The following PPP6R2 variants were observed in gnomAD, a reference collection of about 807,000 sequenced individuals.
The protein encoded by PPP6R2 is serine/threonine-protein phosphatase 6 regulatory subunit 2.
PPP6R2 carries 62 observed loss-of-function variants against 100.2 expected under a neutral mutation model. That is an observed-to-expected ratio of 0.62 (90% CI 0.50 to 0.76). PPP6R2 has a LOEUF of 0.76. Among genes scored for constraint, PPP6R2 ranks in the 30% least tolerant of loss-of-function variants. The pLI, the probability that PPP6R2 is intolerant of heterozygous loss-of-function variation, is 0.00. For missense variants in PPP6R2, 1,142 were observed against 1,276.3 expected, an observed-to-expected ratio of 0.89 and a Z score of 1.60; for synonymous variants, 525 against 514.7, an observed-to-expected ratio of 1.02 and a Z score of -0.27.
upstream of PPP6R2, among the ~76,000 whole-genome samples, chr22:50,341,056 G>A (rs2042364637): frequency 6.6e-6 from 1 of 151,966 alleles, no homozygotes. Flanking sequence ...GACTGCAGGC[G>A]CCCGCCACCG....
intron 3 of PPP6R2, among the ~76,000 whole-genome samples, chr22:50,400,008 G>A (rs368680033): frequency 6.6e-6 from 1 of 152,220 alleles, no homozygotes; most frequent in East Asian, 1.9e-4. Context: ...CCAAGCTGTC[G>A]CTTTCATTAC....
At chr22:50,405,889 G>A (rs111538057) in intron 3 of PPP6R2, among the ~76,000 whole-genome samples, 167 of 135,858 alleles carry the variant, frequency 1.2e-3, no homozygotes, top group South Asian at 1.5e-3. Flanking sequence ...CCTGGAGAGA[G>A]GTGAGAGGCC....
At chr22:50,443,688 AGCAGAG>A (rs1377738815) in intron 22 of PPP6R2, 172 bp from the exon 23 acceptor site, 5 of 732,144 alleles carry the variant, frequency 6.8e-6, no homozygotes, top group Non-Finnish European at 1.1e-5. Context: ...AACTTGGGGC[AGCAGAG>A]CTGCCTAGCT....
In PPP6R2 at chr22:50,437,494, C is replaced by T. The variant is rs1308312123; in HGVS notation, c.1684-12C>T. 9.0e-7 allele frequency: 1 copy of T among 1,106,464 alleles called. No individual in the cohort carries two copies. The highest frequency in any genetic ancestry group is 1.4e-6 in the Non-Finnish European group (1 of 720,740). 68.5% of individuals were successfully genotyped at this position (1,106,464 alleles called of 1,614,324 possible). On this transcript the variant is annotated splice_polypyrimidine_tract_variant and intron_variant, in intron 15 of 23. Transcript: ENST00000612753. ...GTGTCTGTCCGTCCCTCCCTCCCTCCCTCCCTCCCAGGCCTTCTCTGACTA... is the reference window on the plus strand; with the variant it reads ...GTGTCTGTCCGTCCCTCCCTCCCTCTCTCCCTCCCAGGCCTTCTCTGACTA...
chr22:50,339,806 G>T (rs541027954), upstream of PPP6R2, among the ~76,000 whole-genome samples: 3 of 121,390 alleles, frequency 2.5e-5, no homozygotes, highest in Non-Finnish European at 5.0e-5. Context: ...TGGGGTATGT[G>T]TGTGTGGTGT....
chr22:50,398,297 G>A lies in PPP6R2; in HGVS notation c.227+4162G>A, dbSNP rs554475690. Among the ~76,000 whole-genome samples, 36 of 150,252 alleles carry A rather than the reference G, an allele frequency of 2.4e-4. No homozygotes were observed. In the South Asian group the frequency reaches 2.7e-3, roughly 11 times the overall value. ...AGTGATTCTCCTGCCTCAGGCTCCC[G>A]AGTTGCTGGGATTACAGACATGCAT... On this transcript the variant is annotated intron_variant, in intron 3 of 23. Coordinates refer to ENST00000612753, the MANE Select transcript of PPP6R2 (RefSeq NM_001242898.2).
chr22:50,406,276 G>GGAGGTGAGAGGCCTGGAGA (rs1413367066), intron 3 of PPP6R2, among the ~76,000 whole-genome samples: 3 of 108,272 alleles, frequency 2.8e-5, no homozygotes, highest in African/African-American at 3.5e-5. Flanking sequence ...AGGCCTAGAG[G>GGAGGTGAGAGGCCTGGAGA]GAGGTGAGAG....
chr22:50,394,003 A>C lies in PPP6R2; in HGVS notation c.95A>C (p.Asp32Ala). 1 of 1,614,198 alleles carries C rather than the reference A, an allele frequency of 6.2e-7. No individual in the cohort carries two copies. The highest frequency in any genetic ancestry group is 1.1e-5 in the South Asian group (1 of 91,084). ...VTLQELMDED[D>A]ILQECKAQNQ... ...CTGCAGGAGTTAATGGATGAAGATG[A>C]CATCTTGCAGGAGTGTAAGGCTCAG... Residue 32 changes from aspartate to alanine, a missense_variant, in exon 3 of 24, where the codon GAC (aspartate) becomes GCC (alanine). Asp to Ala is a moderately radical substitution (Grantham distance 126). This residue lies in a region of PPP6R2 where 592 missense variants were observed against 758.9 expected (regional missense o/e 0.78). Transcript: ENST00000612753.
At chr22:50,399,425 C>T (rs578064869) in intron 3 of PPP6R2, among the ~76,000 whole-genome samples, 2 of 152,372 alleles carry the variant, frequency 1.3e-5, no homozygotes, top group South Asian at 2.1e-4. Context: ...CAGAGCAGCA[C>T]CTGTGCTTCG....
At chr22:50,377,271 T>C (rs2148618270) in intron 2 of PPP6R2, among the ~76,000 whole-genome samples, 1 of 151,966 alleles carries the variant, frequency 6.6e-6, no homozygotes, top group African/African-American at 2.4e-5. Flanking sequence ...CTGGGCAACA[T>C]GGTGAAAACC....
intron 10 of PPP6R2, among the ~76,000 whole-genome samples, chr22:50,427,630 G>A (rs1158676514): frequency 2.0e-5 from 3 of 152,156 alleles, no homozygotes; most frequent in East Asian, 1.9e-4. Context: ...TCGGCTCACC[G>A]CAACCTTTGC....
At chr22:50,438,511 C>G in intron 18 of PPP6R2, 88 bp from the exon 19 acceptor site, 1 of 1,511,278 alleles carries the variant, frequency 6.6e-7, no homozygotes, top group Non-Finnish European at 9.0e-7. Context: ...TGTGCTCACC[C>G]TCAGCCCCGA....
In PPP6R2 at chr22:50,423,087, C is replaced by A. The variant is rs1419679868; in HGVS notation, c.973-375C>A. 6.6e-6 allele frequency among the ~76,000 whole-genome samples: 1 copy of A among 152,178 alleles called. No individual in the cohort carries two copies. The highest frequency in any genetic ancestry group is 2.4e-5 in the African/African-American group (1 of 41,430). Reference sequence around the variant, plus strand: ...TTAGCTTGGTGTTCTGAGATTGTGGCCGCAGAGGGACCCCCACTGGGCATC... The same window carrying A: ...TTAGCTTGGTGTTCTGAGATTGTGGACGCAGAGGGACCCCCACTGGGCATC... On this transcript the variant is annotated intron_variant, in intron 9 of 23. Transcript: ENST00000612753. This position sits in a 1 kb window ranked among gnomAD's most constrained non-coding sequence, Gnocchi z 4.8.
At chr22:50,443,480 C>T (rs764054446) in intron 22 of PPP6R2, 14 of 188,578 alleles carry the variant, frequency 7.4e-5, no homozygotes, top group Admixed American at 2.2e-4. Flanking sequence ...CTTAGATGCC[C>T]GGCAGGGTCC....
In PPP6R2 at chr22:50,431,401, C is replaced by A; in HGVS notation, c.1335+19C>A. The A allele has an allele frequency of 6.2e-7, 1 of 1,606,524 alleles. No individual in the cohort carries two copies. ...GACCCACGTGAGTCCAAGAAGCATCCATCTTATCAGCGCCAACTGCGCCCC... is the reference window on the plus strand; with the variant it reads ...GACCCACGTGAGTCCAAGAAGCATCAATCTTATCAGCGCCAACTGCGCCCC... On this transcript the variant is annotated intron_variant, in intron 11 of 23. Transcript: ENST00000612753. This position sits in a 1 kb window ranked among gnomAD's most constrained non-coding sequence, Gnocchi z 4.8.
intron 22 of PPP6R2, 102 bp downstream of exon 22, chr22:50,441,128 C>A: frequency 2.8e-6 from 3 of 1,054,402 alleles, no homozygotes; most frequent in Non-Finnish European, 4.0e-6. Context: ...TGAGGCCAGG[C>A]CAGGGTCTTC....
chr22:50,405,218 C>T (rs914383576), intron 3 of PPP6R2, among the ~76,000 whole-genome samples: 2 of 151,622 alleles, frequency 1.3e-5, no homozygotes, highest in Non-Finnish European at 1.5e-5. Flanking sequence ...TGTGGCCTCG[C>T]GGAAACAGTG....
Position 50,438,648 on chromosome 22 carries a change from C to T in PPP6R2, c.2014C>T (p.Arg672Cys), listed in dbSNP as rs774388878. 10 of 1,614,038 alleles carry T rather than the reference C, an allele frequency of 6.2e-6. No individual in the cohort carries two copies. Among genetic ancestry groups the T allele is most frequent in the Admixed American group, 1.7e-5 (1 of 60,014 alleles). Residue 672 changes from arginine to cysteine, a missense_variant, in exon 19 of 24, where the codon CGT becomes TGT. Physicochemically the swap from Arg to Cys is radical, Grantham distance 180. Coordinates refer to ENST00000612753, the MANE Select transcript of PPP6R2 (RefSeq NM_001242898.2). Reference protein sequence around the residue: ...SESCSKNGPERGGQDGKASLE... With the variant: ...SESCSKNGPECGGQDGKASLE... The stretch of plus-strand genomic sequence containing the variant: ...GAGTTGCTCAAAGAATGGCCCAGAG[C>T]GTGGAGGCCAGGATGGGAAGGCGAG...
chr22:50,340,254 G>T (rs578218189), upstream of PPP6R2, among the ~76,000 whole-genome samples: 1,137 of 88,510 alleles, frequency 0.013, 42 homozygotes, highest in Middle Eastern at 0.036. Context: ...GGTGTGTGTG[G>T]AGGGTGTGTG....
Sources: allele counts gnomAD v4.1 joint callset (sites outside exome capture counted in the v4.1 genomes callset), GRCh38; gene constraint gnomAD v4.1.1; regional missense constraint gnomAD v4.1.1; non-coding constraint Gnocchi (gnomAD v3.1); transcripts MANE v1.5; gene names NCBI Gene and HGNC (gene_info 2026-07-23, HGNC 2026-07-21).